RNF217: variants seen among roughly 807,000 people sequenced by gnomAD.
RNF217 encodes the protein E3 ubiquitin-protein ligase RNF217.
In RNF217, 31 loss-of-function variants were observed where a neutral mutation model predicts 57.8. That is an observed-to-expected ratio of 0.54 (90% confidence interval 0.40 to 0.72). RNF217 has a LOEUF of 0.72. Among genes scored for constraint, RNF217 ranks in the 30% least tolerant of loss-of-function variants. The probability of loss-of-function intolerance (pLI) is 0.00; values close to 1 mark genes in which losing one functional copy is unlikely to be tolerated. For synonymous variants in RNF217, 313 were observed against 294.0 expected (o/e 1.06, Z -0.66); for missense variants, 696 against 708.3 (o/e 0.98, Z 0.20).
intron 3 of RNF217, among the ~76,000 whole-genome samples, chr6:125,060,273 A>G (rs1179292002): frequency 1.3e-5 from 2 of 152,078 alleles, no homozygotes; most frequent in African/African-American, 4.8e-5. Context: ...CAGGTAAACA[A>G]TTATCACATA....
At chr6:125,056,217 T>G (rs976209089) in intron 2 of RNF217, among the ~76,000 whole-genome samples, 1 of 152,200 alleles carries the variant, frequency 6.6e-6, no homozygotes, top group Non-Finnish European at 1.5e-5. Flanking sequence ...CCAGACAAAC[T>G]TACGTTTAAA....
intron 1 of RNF217, among the ~76,000 whole-genome samples, chr6:124,980,665 A>G (rs1784130631): frequency 6.6e-6 from 1 of 151,590 alleles, no homozygotes; most frequent in Admixed American, 6.6e-5. Context: ...AGCTGTTTTG[A>G]TCGTGCCTGT....
intron 1 of RNF217, among the ~76,000 whole-genome samples, chr6:125,044,986 G>C (rs1787038925): frequency 6.6e-6 from 1 of 152,024 alleles, no homozygotes; most frequent in Non-Finnish European, 1.5e-5. Context: ...AATGATCAGA[G>C]AAGACTTAAA....
chr6:125,019,489 A>G (rs1006855644), intron 1 of RNF217, among the ~76,000 whole-genome samples: 8 of 152,310 alleles, frequency 5.3e-5, no homozygotes, highest in South Asian at 2.1e-4. Context: ...GTCTAACAAT[A>G]TATATGTTAT....
rs1249811790 is a variant in RNF217 at position 125,092,533 on chromosome 6, A to G, written c.*9596A>G. On this transcript the variant is annotated 3_prime_UTR_variant, in exon 6 of 6. Coordinates refer to ENST00000521654, the MANE Select transcript of RNF217 (RefSeq NM_001286398.3). ...TATTTTGATGGTCATTGTACGAGCT[A>G]TTGTATGGATTACTGTGGAGTGCTG... 1 of 152,224 alleles carries G rather than the reference A, an allele frequency of 6.6e-6. No individual in the cohort carries two copies. Among genetic ancestry groups the G allele is most frequent in the African/African-American group, 2.4e-5 (1 of 41,460 alleles). 9.4% of individuals were successfully genotyped at this position (152,224 alleles called of 1,614,324 possible). A position where few individuals can be genotyped will look rare whatever the true frequency, so the allele number is the denominator to read the frequency against.
At chr6:125,053,447 G>C (rs1267411382) in intron 2 of RNF217, among the ~76,000 whole-genome samples, 1 of 152,070 alleles carries the variant, frequency 6.6e-6, no homozygotes, top group Non-Finnish European at 1.5e-5. Flanking sequence ...TTGGAAAACT[G>C]AATCAGCTCT....
At chr6:124,994,299 C>A (rs998301163) in intron 1 of RNF217, among the ~76,000 whole-genome samples, 3 of 152,104 alleles carry the variant, frequency 2.0e-5, no homozygotes, top group African/African-American at 7.2e-5. Context: ...ACTCACTTCC[C>A]CTTCCCTTCC....
chr6:125,015,725 A>G (rs892730808), intron 1 of RNF217, among the ~76,000 whole-genome samples: 4 of 152,078 alleles, frequency 2.6e-5, no homozygotes, highest in African/African-American at 7.2e-5. Context: ...ATGTAAAAAG[A>G]GACATGACTT....
chr6:125,081,345 ATATACACTGTGG>A, intron 4 of RNF217, 79 bp from the exon 5 acceptor site: 1 of 898,944 alleles, frequency 1.1e-6, no homozygotes, highest in Non-Finnish European at 1.7e-6. Context: ...TTAAAAAATA[ATATACACTGTGG>A]TATTTAAAAA....
chr6:125,068,033 T>C (rs1049377031), intron 3 of RNF217, among the ~76,000 whole-genome samples: 1 of 152,222 alleles, frequency 6.6e-6, no homozygotes. Context: ...ATGTTCATTA[T>C]ATTTTGCAGA....
chr6:125,068,990 C>A (rs1405105147), intron 3 of RNF217, among the ~76,000 whole-genome samples: 1 of 152,010 alleles, frequency 6.6e-6, no homozygotes, highest in Non-Finnish European at 1.5e-5. Flanking sequence ...CTGAAGATTT[C>A]TGAGAACATG....
chr6:125,048,371 C>A, intron 2 of RNF217: 1 of 816,020 alleles, frequency 1.2e-6, no homozygotes, highest in Non-Finnish European at 1.8e-6. Context: ...AATTCAAGTA[C>A]TCACACACAA....
intron 1 of RNF217, among the ~76,000 whole-genome samples, chr6:125,031,107 C>G (rs1428780716): frequency 6.6e-6 from 1 of 152,238 alleles, no homozygotes; most frequent in Non-Finnish European, 1.5e-5. Context: ...GTATGTTGGC[C>G]TCTTTCAGCC....
chr6:125,017,758 A>T (rs965066527), intron 1 of RNF217, among the ~76,000 whole-genome samples: 10 of 152,076 alleles, frequency 6.6e-5, no homozygotes, highest in African/African-American at 2.4e-4. Flanking sequence ...GTATTTTTTT[A>T]TTGTGGGCAC....
chr6:125,069,961 C>T (rs1329709707), intron 3 of RNF217, among the ~76,000 whole-genome samples: 1 of 152,054 alleles, frequency 6.6e-6, no homozygotes, highest in Non-Finnish European at 1.5e-5. Flanking sequence ...ATTATCCGAG[C>T]AGTGTACACT....
In RNF217 at chr6:125,091,932, G is replaced by T. The variant is rs559780866; in HGVS notation, c.*8995G>T. The T allele has an allele frequency of 2.0e-5, 3 of 152,092 alleles. No homozygotes were observed. In the East Asian group the frequency reaches 5.8e-4, roughly 29 times the overall value. The allele number at this position is 152,092 out of a possible 1,614,324, so 9.4% of individuals were successfully genotyped here. On this transcript the variant is annotated 3_prime_UTR_variant, in exon 6 of 6. Coordinates refer to ENST00000521654, the MANE Select transcript of RNF217 (RefSeq NM_001286398.3). ...GTTTTAGCTTTATACAAAATGCTAG[G>T]TTTGTTATATTCTTTATGTATCATA...
At chr6:125,072,811 C>G (rs1788200055) in intron 3 of RNF217, among the ~76,000 whole-genome samples, 1 of 151,634 alleles carries the variant, frequency 6.6e-6, no homozygotes. Context: ...CTGGTGTTAC[C>G]TTTTAAGTTC....
chr6:124,981,468 G>A (rs571373126), intron 1 of RNF217, among the ~76,000 whole-genome samples: 3 of 152,224 alleles, frequency 2.0e-5, no homozygotes, highest in South Asian at 2.1e-4. Flanking sequence ...TTTGGTTGGG[G>A]GGGCGGTGAC....
intron 1 of RNF217, among the ~76,000 whole-genome samples, chr6:125,007,492 C>T (rs1007722359): frequency 3.9e-5 from 6 of 152,174 alleles, no homozygotes; most frequent in Admixed American, 1.3e-4. Context: ...GGTGATCCAC[C>T]TGCCTCAGCC....
Sources: allele counts gnomAD v4.1 joint callset (sites outside exome capture counted in the v4.1 genomes callset), GRCh38; gene constraint gnomAD v4.1.1; transcripts MANE v1.5; gene names NCBI Gene and HGNC (gene_info 2026-07-23, HGNC 2026-07-21).